Variants in GSR observed in about 807,000 individuals in gnomAD.
GSR encodes glutathione-disulfide reductase, also known as glutathione reductase, mitochondrial.
In GSR, 48 loss-of-function variants were observed where a neutral mutation model predicts 56.5. That is an observed-to-expected ratio of 0.85 (90% confidence interval 0.67 to 1.08). The LOEUF is 1.08. Ranked by LOEUF, GSR falls within the 50% of genes least tolerant of loss-of-function variation. The pLI, the probability that GSR is intolerant of heterozygous loss-of-function variation, is 0.00. For synonymous variants in GSR, 264 were observed against 270.8 expected (o/e 0.97, Z 0.25); for missense variants, 694 against 703.3 (o/e 0.99, Z 0.15).
At chr8:30,694,374 ATCTTTGC>A (rs1803481018) in intron 7 of GSR, among the ~76,000 whole-genome samples, 1 of 152,206 alleles carries the variant, frequency 6.6e-6, no homozygotes, top group South Asian at 2.1e-4. Context: ...CAGTGGCACA[ATCTTTGC>A]TCACTGCAGC....
intron 3 of GSR, among the ~76,000 whole-genome samples, chr8:30,709,075 A>C (rs1804019408): frequency 6.6e-6 from 1 of 151,974 alleles, no homozygotes; most frequent in South Asian, 2.1e-4. Flanking sequence ...AAAGGAATGA[A>C]GGCTGGGCAC....
chr8:30,691,258 G>C (rs1013724536), intron 8 of GSR, among the ~76,000 whole-genome samples: 3 of 152,124 alleles, frequency 2.0e-5, no homozygotes, highest in Non-Finnish European at 4.4e-5. Flanking sequence ...TCCCAGCTGA[G>C]GCAGGAGAAT....
chr8:30,697,176 G>A (rs540096438), intron 6 of GSR, among the ~76,000 whole-genome samples: 171 of 152,224 alleles, frequency 1.1e-3, no homozygotes, highest in Non-Finnish European at 1.8e-3. Context: ...AGCACTTTGG[G>A]AGGCTGAGGT....
intron 1 of GSR, among the ~76,000 whole-genome samples, chr8:30,717,625 G>A (rs1804380327): frequency 6.6e-6 from 1 of 152,116 alleles, no homozygotes; most frequent in South Asian, 2.1e-4. Flanking sequence ...GATGTAGGTT[G>A]CACACTCCTT....
At chr8:30,691,054 G>A (rs935473655) in intron 8 of GSR, among the ~76,000 whole-genome samples, 8 of 151,244 alleles carry the variant, frequency 5.3e-5, no homozygotes, top group African/African-American at 1.9e-4. Context: ...CTTGTGTCAA[G>A]AAAAATAATT....
At chr8:30,691,424 T>C (rs1277702667) in intron 8 of GSR, among the ~76,000 whole-genome samples, 1 of 151,974 alleles carries the variant, frequency 6.6e-6, no homozygotes, top group African/African-American at 2.4e-5. Flanking sequence ...CTCACTCCTG[T>C]AATCCCAGCA....
intron 5 of GSR, among the ~76,000 whole-genome samples, chr8:30,700,722 C>CCAAAAAAAAAAAAA (rs1803705442): frequency 1.2e-4 from 1 of 8,424 alleles, no homozygotes; most frequent in Non-Finnish European, 5.8e-4. Context: ...GATTTTGTCT[C>CCAAAAAAAAAAAAA]CAAAAAAAAA....
chr8:30,721,213 C>A (rs1804525784), intron 1 of GSR, among the ~76,000 whole-genome samples: 1 of 152,328 alleles, frequency 6.6e-6, no homozygotes, highest in East Asian at 1.9e-4. Flanking sequence ...CTGATACCCA[C>A]CATCTCCCGT....
intron 10 of GSR, among the ~76,000 whole-genome samples, chr8:30,682,462 T>A (rs950221603): frequency 2.6e-5 from 4 of 152,226 alleles, no homozygotes; most frequent in Non-Finnish European, 5.9e-5. Context: ...CTACCAACTA[T>A]GTGTATAAGG....
intron 1 of GSR, among the ~76,000 whole-genome samples, chr8:30,722,197 G>A (rs1365849092): frequency 1.3e-5 from 2 of 152,210 alleles, no homozygotes; most frequent in Non-Finnish European, 2.9e-5. Flanking sequence ...AGTCAACAAG[G>A]TAAGTTAAAA....
Position 30,712,093 on chromosome 8 carries a change from A to T in GSR, c.307-5T>A. The T allele has an allele frequency of 1.7e-6, 1 of 604,606 alleles. No individual in the cohort carries two copies. Among genetic ancestry groups the T allele is most frequent in the Non-Finnish European group, 2.4e-6 (1 of 424,386 alleles). The allele number at this position is 604,606 out of a possible 1,614,324, so 37.5% of individuals were successfully genotyped here. Reference sequence around the variant, plus strand: ...GGGTACACATCCAACATTCACCTGGAAAAAAAAAAAAGAGACACACTTTAA... The same window carrying T: ...GGGTACACATCCAACATTCACCTGGTAAAAAAAAAAAGAGACACACTTTAA... On this transcript the variant is annotated splice_polypyrimidine_tract_variant and splice_region_variant and intron_variant, in intron 1 of 12. Transcript: ENST00000221130.
At position 30,680,928 on chromosome 8, in the gene GSR, C is replaced by A. The variant is rs1476432328; in HGVS notation, c.1395G>T (p.Met465Ile). ...TKRKTKCVMK[M>I]VCANKEEKVV... is the part of the protein sequence containing the mutation. The stretch of plus-strand genomic sequence containing the variant: ...CCTTTTCTTCCTTGTTAGCACAGAC[C>A]ATTTTCATCACACATTTTGTTTTCC... The change falls in exon 12 of 13, where the codon ATG (methionine) becomes ATT (isoleucine). Residue 465 changes from methionine to isoleucine, a missense_variant. Physicochemically the swap from Met to Ile is conservative, Grantham distance 10 (BLOSUM62 1). Transcript: ENST00000221130. 1 of 1,613,722 alleles carries A rather than the reference C, an allele frequency of 6.2e-7. No individual in the cohort carries two copies. The highest frequency in any genetic ancestry group is 1.1e-5 in the South Asian group (1 of 91,066).
intron 1 of GSR, among the ~76,000 whole-genome samples, chr8:30,713,246 A>G (rs1804214954): frequency 6.6e-6 from 1 of 152,190 alleles, no homozygotes; most frequent in Non-Finnish European, 1.5e-5. Context: ...CATGTTGGCC[A>G]TGCTGGTCTC....
intron 1 of GSR, among the ~76,000 whole-genome samples, chr8:30,722,606 C>T (rs1024788648): frequency 3.9e-5 from 6 of 151,934 alleles, no homozygotes; most frequent in African/African-American, 1.4e-4. Context: ...TGGCCATGTG[C>T]CTGTGGTCCT....
At position 30,696,418 on chromosome 8, in the gene GSR, G is replaced by C. The variant is rs1260370703; in HGVS notation, c.757C>G (p.Leu253Val). ...AVEMAGILSA[L>V]GSKTSLMIRH... Reference sequence around the variant, plus strand: ...ATCATCAGTGATGTCTTAGAACCCAGGGCTGACAGGATCCCTGCCATCTCC... The same window carrying C: ...ATCATCAGTGATGTCTTAGAACCCACGGCTGACAGGATCCCTGCCATCTCC... The change falls in exon 7 of 13, where the codon CTG becomes GTG. Residue 253 changes from leucine to valine, a missense_variant. Coordinates refer to ENST00000221130, the MANE Select transcript of GSR (RefSeq NM_000637.5). The C allele has an allele frequency of 6.2e-7, 1 of 1,613,022 alleles. No individual in the cohort carries two copies.
chr8:30,726,587 C>A (rs767095750), intron 1 of GSR, among the ~76,000 whole-genome samples: 1 of 151,972 alleles, frequency 6.6e-6, no homozygotes, highest in Non-Finnish European at 1.5e-5. Context: ...AGCGAGACCC[C>A]CATCTCTACA....
At position 30,678,093 on chromosome 8, in the gene GSR, T is replaced by C. The variant is rs746553094; in HGVS notation, c.*1427A>G. The C allele has an allele frequency of 6.6e-6, 1 of 152,072 alleles. No individual in the cohort carries two copies. The highest frequency in any genetic ancestry group is 1.5e-5 in the Non-Finnish European group (1 of 68,016). The allele number at this position is 152,072 out of a possible 1,614,324, so 9.4% of individuals were successfully genotyped here. A position where few individuals can be genotyped will look rare whatever the true frequency, so the allele number is the denominator to read the frequency against. On this transcript the variant is annotated 3_prime_UTR_variant, in exon 13 of 13. Transcript: ENST00000221130. ...AGAAGAAAAGGCTGTAATTTTATTT[T>C]CAAATTTTTGGAAGTTTTTCAGAAA...
chr8:30,727,296 G>T (rs1166662632), intron 1 of GSR, among the ~76,000 whole-genome samples: 1 of 152,202 alleles, frequency 6.6e-6, no homozygotes, highest in Non-Finnish European at 1.5e-5. Flanking sequence ...GGTCAATATC[G>T]CATCCGTGCG....
chr8:30,720,765 A>C (rs16877292), intron 1 of GSR, among the ~76,000 whole-genome samples: 1 of 152,236 alleles, frequency 6.6e-6, no homozygotes, highest in South Asian at 2.1e-4. Context: ...TTTTTGTTCA[A>C]TTCTTAGCTA....
Sources: allele counts gnomAD v4.1 joint callset (sites outside exome capture counted in the v4.1 genomes callset), GRCh38; gene constraint gnomAD v4.1.1; transcripts MANE v1.5; gene names NCBI Gene and HGNC (gene_info 2026-07-23, HGNC 2026-07-21).